Variants in RNLS observed in about 807,000 individuals in gnomAD.
RNLS encodes renalase.
Under a neutral mutation model 39.8 loss-of-function variants are expected in RNLS, and 39 were observed. That is an observed-to-expected ratio of 0.98 (90% CI 0.76 to 1.28). RNLS has a LOEUF of 1.28. RNLS is among the 50% of genes most tolerant of loss of function. The pLI is 0.00. For missense variants in RNLS, 410 were observed against 413.3 expected, an observed-to-expected ratio of 0.99 and a Z score of 0.07; for synonymous variants, 147 against 150.7, an observed-to-expected ratio of 0.98 and a Z score of 0.18.
chr10:88,330,305 T>C (rs1430036995), intron 5 of RNLS, among the ~76,000 whole-genome samples: 1 of 152,034 alleles, frequency 6.6e-6, no homozygotes, highest in African/African-American at 2.4e-5. Flanking sequence ...GCCAGAGGCC[T>C]TAGGGCAATA....
intron 4 of RNLS, among the ~76,000 whole-genome samples, chr10:88,411,867 G>A (rs969949895): frequency 6.6e-6 from 1 of 152,076 alleles, no homozygotes; most frequent in Non-Finnish European, 1.5e-5. Context: ...GTTCCAAGTA[G>A]AACATGAGTC....
chr10:88,435,341 C>T lies in RNLS; in HGVS notation c.527-72616G>A, dbSNP rs149718932. Among the ~76,000 whole-genome samples, 960 of 151,708 alleles carry T rather than the reference C, an allele frequency of 6.3e-3. 3 individuals carry two copies. Among genetic ancestry groups the T allele is most frequent in the Non-Finnish European group, 9.7e-3 (658 of 67,916 alleles). On this transcript the variant is annotated intron_variant, in intron 4 of 6. Transcript: ENST00000331772. ...TTCCTTTTCCTTTTATTTTAGAGCA[C>T]CAATAATTAGAATCTACATCTTCTC... is the stretch of plus-strand genomic sequence containing the variant.
chr10:88,356,563 C>G (rs1307777591), intron 5 of RNLS, among the ~76,000 whole-genome samples: 1 of 152,152 alleles, frequency 6.6e-6, no homozygotes, highest in Non-Finnish European at 1.5e-5. Context: ...TATGGAATAA[C>G]ACTTCTGCAT....
chr10:88,468,704 C>A (rs1843349891), intron 4 of RNLS, among the ~76,000 whole-genome samples: 1 of 152,134 alleles, frequency 6.6e-6, no homozygotes, highest in South Asian at 2.1e-4. Flanking sequence ...TCTCTTTGCA[C>A]ATGAGCTGCT....
chr10:88,443,832 A>G (rs1841873244), intron 4 of RNLS, among the ~76,000 whole-genome samples: 2 of 152,242 alleles, frequency 1.3e-5, no homozygotes, highest in African/African-American at 4.8e-5. Context: ...GGAAGCTCCA[A>G]CTGGGTGGAG....
intron 4 of RNLS, among the ~76,000 whole-genome samples, chr10:88,382,676 A>ATTG (rs1851620044): frequency 6.6e-6 from 1 of 152,110 alleles, no homozygotes; most frequent in African/African-American, 2.4e-5. Context: ...AGCAATGGCA[A>ATTG]TTGTTGATTA....
intron 4 of RNLS, among the ~76,000 whole-genome samples, chr10:88,549,995 C>A (rs1410367056): frequency 6.6e-6 from 1 of 152,050 alleles, no homozygotes; most frequent in Non-Finnish European, 1.5e-5. Context: ...AAGACAACAC[C>A]CACACTCACA....
At chr10:88,174,425 G>T in the RNLS span, among the ~76,000 whole-genome samples, 1 of 152,100 alleles carries the variant, frequency 6.6e-6, no homozygotes, top group South Asian at 2.1e-4. Flanking sequence ...ATTGTGTGAG[G>T]TATATTCCTT....
intron 4 of RNLS, among the ~76,000 whole-genome samples, chr10:88,370,174 G>T (rs1177600256): frequency 6.6e-6 from 1 of 152,108 alleles, no homozygotes; most frequent in Non-Finnish European, 1.5e-5. Context: ...ATGGGCCCAG[G>T]AGTATGGTAA....
the RNLS span, among the ~76,000 whole-genome samples, chr10:88,181,733 G>A: frequency 6.6e-6 from 1 of 152,182 alleles, no homozygotes; most frequent in Non-Finnish European, 1.5e-5. Context: ...CTGATTGGGA[G>A]TTAGGCAAAT....
chr10:88,548,103 A>C (rs961611561), intron 4 of RNLS, among the ~76,000 whole-genome samples: 17 of 151,258 alleles, frequency 1.1e-4, no homozygotes, highest in African/African-American at 3.9e-4. Flanking sequence ...CTCTACTAAA[A>C]TACAAAAAAT....
intron 5 of RNLS, among the ~76,000 whole-genome samples, chr10:88,320,965 A>T (rs997245225): frequency 6.6e-6 from 1 of 151,228 alleles, no homozygotes; most frequent in Non-Finnish European, 1.5e-5. Flanking sequence ...TAAACACCAC[A>T]GAACACTGCA....
At chr10:88,332,778 A>G (rs1462058849) in intron 5 of RNLS, among the ~76,000 whole-genome samples, 2 of 152,216 alleles carry the variant, frequency 1.3e-5, no homozygotes, top group Admixed American at 1.3e-4. Context: ...AATGTCAGGA[A>G]ATATAATTCA....
At chr10:88,431,191 G>A (rs1220174376) in intron 4 of RNLS, among the ~76,000 whole-genome samples, 4 of 151,524 alleles carry the variant, frequency 2.6e-5, no homozygotes, top group Admixed American at 1.3e-4. Context: ...ATTTTTGAGT[G>A]TGCTTTGGTA....
chr10:88,418,078 T>C (rs1854146075), intron 4 of RNLS, among the ~76,000 whole-genome samples: 1 of 85,692 alleles, frequency 1.2e-5, no homozygotes, highest in Non-Finnish European at 2.2e-5. Flanking sequence ...AGTGAGCTTT[T>C]GTCTTTTTTT....
chr10:88,336,286 A>G (rs1847487728), intron 5 of RNLS, among the ~76,000 whole-genome samples: 1 of 152,222 alleles, frequency 6.6e-6, no homozygotes, highest in Admixed American at 6.5e-5. Flanking sequence ...GTACTAATAG[A>G]TCTGTGGATG....
At chr10:88,484,371 G>C (rs956876462) in intron 4 of RNLS, among the ~76,000 whole-genome samples, 1 of 152,050 alleles carries the variant, frequency 6.6e-6, no homozygotes, top group Admixed American at 6.6e-5. Flanking sequence ...TTAGAAGGCA[G>C]AATCTGATAT....
chr10:88,303,085 G>A (rs560830642), intron 6 of RNLS, among the ~76,000 whole-genome samples: 1 of 152,326 alleles, frequency 6.6e-6, no homozygotes, highest in South Asian at 2.1e-4. Flanking sequence ...TGGCTCCAGG[G>A]GAATGGGTAA....
At chr10:88,173,150 G>T in the RNLS span, among the ~76,000 whole-genome samples, 5 of 151,878 alleles carry the variant, frequency 3.3e-5, no homozygotes, top group Admixed American at 3.3e-4. Flanking sequence ...AAGCCACCGC[G>T]CCCGGCCGAG....
Sources: gnomAD v4.1 joint callset for allele counts (sites outside exome capture counted in the v4.1 genomes callset) on GRCh38, gnomAD v4.1.1 for gene constraint, MANE v1.5 for transcripts, NCBI Gene and HGNC (gene_info 2026-07-23, HGNC 2026-07-21) for gene names.